ANKRD36C: variants seen among roughly 807,000 people sequenced by gnomAD.
ANKRD36C encodes ankyrin repeat domain-containing protein 36C.
A neutral mutation model predicts 276.4 loss-of-function variants in ANKRD36C; 61 were observed. The observed-to-expected ratio is 0.22, with a 90% CI of 0.18 to 0.27. The LOEUF is 0.27. ANKRD36C is among the 10% of genes least tolerant of loss of function. ANKRD36C has a pLI of 1.00. For synonymous variants in ANKRD36C, 483 were observed against 680.1 expected, an observed-to-expected ratio of 0.71 and a Z score of 4.51; for missense variants, 1,447 against 2,032.3, an observed-to-expected ratio of 0.71 and a Z score of 5.54.
At chr2:95,857,875 C>G (rs4907285) in intron 61 of ANKRD36C, among the ~76,000 whole-genome samples, 3 of 146,116 alleles carry the variant, frequency 2.1e-5, no homozygotes, top group Non-Finnish European at 4.6e-5. Flanking sequence ...TGATAAGAAA[C>G]ATTTTACAAT....
chr2:95,893,542 A>G, intron 44 of ANKRD36C: 13 of 1,546,476 alleles, frequency 8.4e-6, no homozygotes, highest in Non-Finnish European at 1.1e-5. Context: ...CCTGTTCTAG[A>G]TTTTTCTCCA....
At chr2:95,882,904 T>C (rs1676116488) in intron 54 of ANKRD36C, among the ~76,000 whole-genome samples, 1 of 152,148 alleles carries the variant, frequency 6.6e-6, no homozygotes, top group Non-Finnish European at 1.5e-5. Context: ...TTTATACCAT[T>C]GTACTGCAAG....
Position 95,908,663 on chromosome 2 carries a change from C to T in ANKRD36C, c.2653+3581G>A, listed in dbSNP as rs1156965387. 1.3e-6 allele frequency: 2 copies of T among 1,563,484 alleles called. No individual in the cohort carries two copies. The highest frequency in any genetic ancestry group is 1.2e-5 in the South Asian group (1 of 85,698). On this transcript the variant is annotated intron_variant, in intron 42 of 66. Coordinates refer to ENST00000456556, the Ensembl canonical transcript of ANKRD36C. ...TAGTTCACAACATAAATGACAGTTTCATTACCTTCAAGCCTGGTGGTTGCT... is the reference window on the plus strand; with the variant it reads ...TAGTTCACAACATAAATGACAGTTTTATTACCTTCAAGCCTGGTGGTTGCT...
chr2:95,910,558 C>A (rs1328941620), intron 42 of ANKRD36C: 1 of 1,606,272 alleles, frequency 6.2e-7, no homozygotes, highest in Non-Finnish European at 8.5e-7. Flanking sequence ...CTGGTGGTTT[C>A]TGAGAAGACA....
At chr2:95,984,001 A>T (rs1485245059) in intron 3 of ANKRD36C, among the ~76,000 whole-genome samples, 1 of 152,214 alleles carries the variant, frequency 6.6e-6, no homozygotes, top group Non-Finnish European at 1.5e-5. Context: ...CTATACCGTG[A>T]TTCACCTTAA....
intron 44 of ANKRD36C, 57 bp from the exon 63 acceptor site, chr2:95,893,781 T>C (rs1676448760): frequency 1.2e-6 from 2 of 1,601,750 alleles, no homozygotes; most frequent in Non-Finnish European, 1.7e-6. Flanking sequence ...AAGATATCCA[T>C]AGATTCATGC....
At chr2:95,933,637 C>A (rs1395879724) in intron 24 of ANKRD36C, among the ~76,000 whole-genome samples, 1 of 152,160 alleles carries the variant, frequency 6.6e-6, no homozygotes, top group Non-Finnish European at 1.5e-5. Flanking sequence ...TATCCTGAGA[C>A]TTTGCTGATG....
intron 61 of ANKRD36C, among the ~76,000 whole-genome samples, chr2:95,859,039 C>T (rs1050336096): frequency 3.4e-5 from 5 of 145,996 alleles, no homozygotes; most frequent in Admixed American, 6.8e-5. Flanking sequence ...AAACTGGATA[C>T]TTTTTTTTTT....
intron 38 of ANKRD36C, 101 bp from the exon 41 acceptor site, chr2:95,914,404 A>T: frequency 7.0e-7 from 1 of 1,419,268 alleles, no homozygotes; most frequent in Non-Finnish European, 9.7e-7. Context: ...TCCTGCCTGT[A>T]TTAGCGTAGT....
At chr2:95,861,456 AG>A (rs1367567031) in intron 60 of ANKRD36C, among the ~76,000 whole-genome samples, 5 of 151,888 alleles carry the variant, frequency 3.3e-5, no homozygotes, top group Non-Finnish European at 7.4e-5. Flanking sequence ...AGATTCAGGA[AG>A]GAAGTGTCTG....
chr2:95,979,371 AC>A (rs1678871657), intron 5 of ANKRD36C, among the ~76,000 whole-genome samples: 2 of 152,038 alleles, frequency 1.3e-5, no homozygotes, highest in South Asian at 4.1e-4. Flanking sequence ...ACAAAGCCTA[AC>A]TTTTACATAT....
chr2:95,982,008 T>C (rs1332765366), intron 4 of ANKRD36C, among the ~76,000 whole-genome samples: 1 of 152,230 alleles, frequency 6.6e-6, no homozygotes, highest in Admixed American at 6.5e-5. Flanking sequence ...TTTCTATATA[T>C]AGAAGCCTTT....
chr2:95,982,791 C>T (rs1407167823), intron 3 of ANKRD36C, among the ~76,000 whole-genome samples: 12 of 113,252 alleles, frequency 1.1e-4, no homozygotes, highest in Admixed American at 2.0e-4. Context: ...ATCTATAGAG[C>T]GGTGTTTCTT....
intron 22 of ANKRD36C, among the ~76,000 whole-genome samples, chr2:95,936,026 T>C (rs1423271573): frequency 6.6e-6 from 1 of 152,310 alleles, no homozygotes. Flanking sequence ...GATATCTACA[T>C]ACAGAAGCAT....
chr2:95,880,241 A>T (rs1676046409), intron 58 of ANKRD36C, among the ~76,000 whole-genome samples, 186 bp downstream of exon 78: 1 of 152,260 alleles, frequency 6.6e-6, no homozygotes, highest in Non-Finnish European at 1.5e-5. Context: ...ATGTTTTAAA[A>T]ATATATTTTC....
chr2:95,978,679 T>A (rs1678859757), intron 5 of ANKRD36C, among the ~76,000 whole-genome samples: 1 of 152,096 alleles, frequency 6.6e-6, no homozygotes, highest in African/African-American at 2.4e-5. Flanking sequence ...AAACCCAATG[T>A]GTATTTTTTC....
intron 61 of ANKRD36C, among the ~76,000 whole-genome samples, chr2:95,857,938 T>TC (rs1369565949): frequency 6.8e-6 from 1 of 147,914 alleles, no homozygotes; most frequent in Admixed American, 6.7e-5. Context: ...AAACTTGGTT[T>TC]CCACAATCAT....
chr2:95,938,643 A>C (rs145784647), intron 22 of ANKRD36C, among the ~76,000 whole-genome samples, 186 bp downstream of exon 22: 2 of 152,228 alleles, frequency 1.3e-5, no homozygotes, highest in African/African-American at 2.4e-5. Flanking sequence ...TAGAGCTCAC[A>C]GTGTAAAATG....
In ANKRD36C at chr2:95,911,867, C is replaced by A. The variant is rs1331326074; in HGVS notation, c.2653+377G>T. Among the ~76,000 whole-genome samples, 6 of 151,224 alleles carry A rather than the reference C, an allele frequency of 4.0e-5. 1 individual carries two copies. Among genetic ancestry groups the A allele is most frequent in the Non-Finnish European group, 5.9e-5 (4 of 67,622 alleles). On this transcript the variant is annotated intron_variant, in intron 42 of 66. Transcript: ENST00000456556. ...TACAGTGTCTATGGGTTATTATGAA[C>A]AGCTTTCTGCCTGTTTTTAGCACTA...
Sources: gnomAD v4.1 joint callset for allele counts (sites outside exome capture counted in the v4.1 genomes callset) on GRCh38, gnomAD v4.1.1 for gene constraint, MANE v1.5 for transcripts, NCBI Gene and HGNC (gene_info 2026-07-23, HGNC 2026-07-21) for gene names.